The following CERS6 variants were observed in gnomAD, a reference collection of about 807,000 sequenced individuals.
The protein encoded by CERS6 is LAG1 homolog, ceramide synthase 6.
A neutral mutation model predicts 56.8 loss-of-function variants in CERS6; 26 were observed. The observed-to-expected ratio is 0.46, with a 90% confidence interval of 0.34 to 0.63. The LOEUF is 0.63. Among genes scored for constraint, CERS6 ranks in the 30% least tolerant of loss-of-function variants. The probability of loss-of-function intolerance (pLI) is 0.01; values close to 1 mark genes in which losing one functional copy is unlikely to be tolerated. For missense variants in CERS6, 415 were observed against 467.5 expected, an observed-to-expected ratio of 0.89 and a Z score of 1.04; for synonymous variants, 164 against 173.3, an observed-to-expected ratio of 0.95 and a Z score of 0.42.
chr2:168,469,329 C>T (rs1182300801), intron 1 of CERS6, among the ~76,000 whole-genome samples: 1 of 152,080 alleles, frequency 6.6e-6, no homozygotes, highest in South Asian at 2.1e-4. Context: ...TTTAACAAAC[C>T]TGCTCATTTC....
At chr2:168,543,708 C>T (rs947579237) in intron 1 of CERS6, among the ~76,000 whole-genome samples, 4 of 151,952 alleles carry the variant, frequency 2.6e-5, no homozygotes, top group African/African-American at 9.7e-5. Context: ...CTTTTTCTGC[C>T]TATCTTATGC....
At chr2:168,767,798 G>A (rs572228790) in intron 9 of CERS6, among the ~76,000 whole-genome samples, 2 of 152,266 alleles carry the variant, frequency 1.3e-5, no homozygotes, top group South Asian at 2.1e-4. Flanking sequence ...GTGGGAAAGC[G>A]CCAGTTAATT....
At chr2:168,721,351 A>C (rs1353290583) in intron 8 of CERS6, among the ~76,000 whole-genome samples, 1 of 152,050 alleles carries the variant, frequency 6.6e-6, no homozygotes, top group Non-Finnish European at 1.5e-5. Context: ...TTATCCATTC[A>C]TGAGGTGACA....
At chr2:168,538,849 T>C (rs1481364679) in intron 1 of CERS6, among the ~76,000 whole-genome samples, 1 of 152,256 alleles carries the variant, frequency 6.6e-6, no homozygotes. Flanking sequence ...CAGATTGTCT[T>C]AGATAAATAC....
rs1368292505 is a variant in CERS6, at chr2:168,627,184, A to G, written c.408-3801A>G. ...CTTTCCTCGTTTTCATTAATCTAAG[A>G]ATTCATCCCTTGATTATTATTGCTA... On this transcript the variant is annotated intron_variant, in intron 3 of 9. Coordinates refer to ENST00000305747, the MANE Select transcript of CERS6 (RefSeq NM_203463.3). Among the ~76,000 whole-genome samples, 3 of 152,268 alleles carry G rather than the reference A, an allele frequency of 2.0e-5. No individual in the cohort carries two copies. In the East Asian group the frequency reaches 5.8e-4, roughly 29 times the overall value.
chr2:168,529,620 T>A (rs1410057781), intron 1 of CERS6, among the ~76,000 whole-genome samples: 1 of 152,116 alleles, frequency 6.6e-6, no homozygotes, highest in Non-Finnish European at 1.5e-5. Context: ...AAGTCAGAAA[T>A]GTTAGAGGGC....
At chr2:168,547,734 C>T (rs1695492608) in intron 2 of CERS6, 33 bp downstream of exon 2, 1 of 1,383,628 alleles carries the variant, frequency 7.2e-7, no homozygotes, top group East Asian at 2.3e-5. Flanking sequence ...TATAGATTGT[C>T]CCCGGTCACC....
At chr2:168,723,758 C>T (rs1331665991) in intron 8 of CERS6, among the ~76,000 whole-genome samples, 1 of 152,180 alleles carries the variant, frequency 6.6e-6, no homozygotes, top group Non-Finnish European at 1.5e-5. Context: ...TCACATTTTA[C>T]TAACATATGA....
At chr2:168,728,865 G>T (rs914686952) in intron 8 of CERS6, among the ~76,000 whole-genome samples, 4 of 151,678 alleles carry the variant, frequency 2.6e-5, no homozygotes, top group African/African-American at 9.7e-5. Context: ...AAATAGCCGG[G>T]CATGGTGGCA....
intron 4 of CERS6, among the ~76,000 whole-genome samples, chr2:168,652,664 G>C (rs1685374425): frequency 6.7e-6 from 1 of 148,800 alleles, no homozygotes; most frequent in Non-Finnish European, 1.5e-5. Context: ...AATCGGATTT[G>C]ATTATTTGCA....
At chr2:168,481,719 A>T (rs1243472839) in intron 1 of CERS6, among the ~76,000 whole-genome samples, 1 of 152,218 alleles carries the variant, frequency 6.6e-6, no homozygotes, top group African/African-American at 2.4e-5. Context: ...TGTAAGTAGG[A>T]ATAACGTTGA....
At chr2:168,565,367 T>A (rs1477335726) in intron 3 of CERS6, among the ~76,000 whole-genome samples, 1 of 152,120 alleles carries the variant, frequency 6.6e-6, no homozygotes, top group Admixed American at 6.5e-5. Context: ...ATGTATATCA[T>A]GGAAAAAAAT....
chr2:168,743,587 A>G (rs1350119996), intron 8 of CERS6, among the ~76,000 whole-genome samples: 2 of 152,218 alleles, frequency 1.3e-5, no homozygotes, highest in Non-Finnish European at 2.9e-5. Flanking sequence ...TAAAAACTTG[A>G]CATGAAAATA....
chr2:168,649,957 T>A (rs189454009), intron 4 of CERS6, among the ~76,000 whole-genome samples: 128 of 152,238 alleles, frequency 8.4e-4, no homozygotes, highest in Middle Eastern at 6.8e-3. Flanking sequence ...TAGATCTGCT[T>A]TTTATCTAGG....
chr2:168,520,386 TTACTC>T (rs1245070687), intron 1 of CERS6, among the ~76,000 whole-genome samples: 1 of 152,150 alleles, frequency 6.6e-6, no homozygotes, highest in East Asian at 1.9e-4. Flanking sequence ...GGTTGTCTGT[TTACTC>T]TATTGATAGT....
chr2:168,737,415 T>C (rs1435761453), intron 8 of CERS6, among the ~76,000 whole-genome samples: 1 of 152,226 alleles, frequency 6.6e-6, no homozygotes, highest in Non-Finnish European at 1.5e-5. Flanking sequence ...ATCTGACATT[T>C]GCTTTTTTAA....
chr2:168,645,116 A>AAAAATATATAT (rs1553503146), intron 4 of CERS6, among the ~76,000 whole-genome samples: 1 of 19,034 alleles, frequency 5.3e-5, no homozygotes, highest in Non-Finnish European at 1.0e-4. Flanking sequence ...AAAAAAAAAA[A>AAAAATATATAT]ATATATATAT....
chr2:168,643,743 A>G (rs1265124160), intron 4 of CERS6, among the ~76,000 whole-genome samples: 1 of 152,072 alleles, frequency 6.6e-6, no homozygotes, highest in African/African-American at 2.4e-5. Context: ...TTCAAAATCT[A>G]TCACTCTAAT....
At chr2:168,680,169 C>T (rs1436616627) in intron 4 of CERS6, among the ~76,000 whole-genome samples, 3 of 152,044 alleles carry the variant, frequency 2.0e-5, no homozygotes, top group Non-Finnish European at 4.4e-5. Flanking sequence ...TGAGTAGTTC[C>T]GGCAAGGAGA....
Sources: allele counts gnomAD v4.1 joint callset (sites outside exome capture counted in the v4.1 genomes callset), GRCh38; gene constraint gnomAD v4.1.1; transcripts MANE v1.5; gene names NCBI Gene and HGNC (gene_info 2026-07-23, HGNC 2026-07-21).